Variants in CDH13 observed in about 807,000 individuals in gnomAD.
CDH13 encodes the protein cadherin-13.
A neutral mutation model predicts 63.8 loss-of-function variants in CDH13; 24 were observed. The observed-to-expected ratio is 0.38, with a 90% confidence interval of 0.27 to 0.53. The LOEUF (loss-of-function observed/expected upper bound fraction) is 0.53. Among genes scored for constraint, CDH13 ranks in the 20% least tolerant of loss-of-function variants. CDH13 has a pLI of 0.85. For synonymous variants in CDH13, 503 were observed against 355.3 expected (o/e 1.42, Z -4.67); for missense variants, 1,049 against 903.1 (o/e 1.16, Z -2.07).
intron 5 of CDH13, among the ~76,000 whole-genome samples, chr16:83,323,254 C>CCTTG (rs2090280654): frequency 7.2e-6 from 1 of 138,992 alleles, no homozygotes; most frequent in Non-Finnish European, 1.5e-5. Flanking sequence ...TTCCTTCCTT[C>CCTTG]TTTCCATCTT....
At chr16:82,775,875 T>C (rs1159945100) in intron 1 of CDH13, among the ~76,000 whole-genome samples, 1 of 152,112 alleles carries the variant, frequency 6.6e-6, no homozygotes, top group African/African-American at 2.4e-5. Flanking sequence ...TGATGGCTCT[T>C]TTTTTGTGAA....
At chr16:83,131,234 G>C (rs1326411881) in intron 4 of CDH13, among the ~76,000 whole-genome samples, 1 of 116,028 alleles carries the variant, frequency 8.6e-6, no homozygotes, top group African/African-American at 3.3e-5. Context: ...CAACCCGAGA[G>C]ATCACTGCCA....
intron 6 of CDH13, among the ~76,000 whole-genome samples, chr16:83,472,829 C>T (rs1197860720): frequency 6.6e-6 from 1 of 152,172 alleles, no homozygotes; most frequent in Non-Finnish European, 1.5e-5. Context: ...GTGGCTGGCC[C>T]TGTTTCATTC....
intron 1 of CDH13, among the ~76,000 whole-genome samples, chr16:82,846,411 A>G (rs2039259197): frequency 6.6e-6 from 1 of 152,150 alleles, no homozygotes. Context: ...CATAACACCT[A>G]CTGTGAGCCA....
intron 3 of CDH13, among the ~76,000 whole-genome samples, chr16:83,091,212 T>A (rs1268114964): frequency 2.4e-4 from 36 of 152,036 alleles, no homozygotes. Context: ...CTTTCTTTTC[T>A]CCTTCTCCTC....
chr16:83,387,600 A>T (rs1289982456), intron 6 of CDH13, among the ~76,000 whole-genome samples: 1 of 152,248 alleles, frequency 6.6e-6, no homozygotes, highest in Non-Finnish European at 1.5e-5. Context: ...AATGGGATTC[A>T]TTAAGAGCTA....
intron 8 of CDH13, among the ~76,000 whole-genome samples, chr16:83,652,573 C>T (rs1196171412): frequency 4.6e-5 from 7 of 151,358 alleles, no homozygotes; most frequent in Non-Finnish European, 1.0e-4. Context: ...TCTCATTGTA[C>T]CCCCTCTTTA....
chr16:83,350,798 C>A (rs972607992), intron 6 of CDH13, among the ~76,000 whole-genome samples: 3 of 152,136 alleles, frequency 2.0e-5, no homozygotes, highest in African/African-American at 7.2e-5. Flanking sequence ...GATAGGAGGC[C>A]GCTCTGAAGA....
intron 8 of CDH13, among the ~76,000 whole-genome samples, chr16:83,633,174 G>A (rs150469706): frequency 4.6e-5 from 7 of 151,914 alleles, no homozygotes; most frequent in African/African-American, 1.7e-4. Context: ...ATCTCATCCT[G>A]TGATTAAGAA....
intron 4 of CDH13, among the ~76,000 whole-genome samples, chr16:83,211,961 T>C (rs1481634488): frequency 6.6e-6 from 1 of 152,006 alleles, no homozygotes; most frequent in Non-Finnish European, 1.5e-5. Flanking sequence ...CAAAGAATAA[T>C]AGGAAGTTCT....
intron 4 of CDH13, among the ~76,000 whole-genome samples, chr16:83,208,524 T>C (rs575359657): frequency 3.3e-5 from 5 of 152,316 alleles, no homozygotes; most frequent in East Asian, 3.9e-4. Flanking sequence ...AATTAGCATA[T>C]GCATGTAACT....
intron 2 of CDH13, among the ~76,000 whole-genome samples, chr16:82,931,752 T>G (rs1348460125): frequency 6.6e-6 from 1 of 152,156 alleles, no homozygotes; most frequent in Non-Finnish European, 1.5e-5. Flanking sequence ...GAACCCCTTA[T>G]AGAAACATCA....
intron 1 of CDH13, among the ~76,000 whole-genome samples, chr16:82,642,294 AAC>A (rs1909508881): frequency 6.6e-6 from 1 of 152,168 alleles, no homozygotes; most frequent in Non-Finnish European, 1.5e-5. Flanking sequence ...GTTTTAGGCA[AAC>A]ACAGTTGTCA....
In CDH13 at chr16:83,183,221, G is replaced by C. The variant is rs111246229; in HGVS notation, c.484-34124G>C. Reference sequence around the variant, plus strand: ...CGTTTGAGTGGGAAGTGCTTTATTTGAGATAAACACAAAAGGTTTTAAGTA... The same window carrying C: ...CGTTTGAGTGGGAAGTGCTTTATTTCAGATAAACACAAAAGGTTTTAAGTA... On this transcript the variant is annotated intron_variant, in intron 4 of 13. Coordinates refer to ENST00000567109, the MANE Select transcript of CDH13 (RefSeq NM_001257.5). Among the ~76,000 whole-genome samples the C allele has an allele frequency of 2.4e-3, 361 of 152,278 alleles. 3 individuals carry two copies. Among genetic ancestry groups the C allele is most frequent in the African/African-American group, 8.4e-3 (348 of 41,564 alleles).
intron 12 of CDH13, 137 bp downstream of exon 12, chr16:83,780,338 T>C (rs1915432675): frequency 1.6e-6 from 1 of 616,612 alleles, no homozygotes. Flanking sequence ...TTATAAATAC[T>C]GAGAATTTTC....
At chr16:82,832,367 G>C (rs762565162) in intron 1 of CDH13, among the ~76,000 whole-genome samples, 1 of 152,046 alleles carries the variant, frequency 6.6e-6, no homozygotes, top group Non-Finnish European at 1.5e-5. Context: ...CTTTTTCATA[G>C]TTTTCAGTGT....
At chr16:83,097,726 G>T (rs1395885918) in intron 3 of CDH13, among the ~76,000 whole-genome samples, 1 of 152,178 alleles carries the variant, frequency 6.6e-6, no homozygotes, top group African/African-American at 2.4e-5. Flanking sequence ...TGTAAAATTT[G>T]TTCGTAAAGA....
intron 1 of CDH13, among the ~76,000 whole-genome samples, chr16:82,680,004 C>T (rs537693731): frequency 3.9e-5 from 6 of 152,248 alleles, no homozygotes; most frequent in South Asian, 2.1e-4. Context: ...CCATAACACA[C>T]GGGTCTTCTT....
chr16:83,651,588 C>CTTTTTTTTTT (rs35237670), intron 8 of CDH13, among the ~76,000 whole-genome samples: 4 of 75,306 alleles, frequency 5.3e-5, no homozygotes, highest in Admixed American at 2.0e-4. Flanking sequence ...TTATTTTCCT[C>CTTTTTTTTTT]TTTTTTTTTT....
Sources: allele counts gnomAD v4.1 joint callset (sites outside exome capture counted in the v4.1 genomes callset), GRCh38; gene constraint gnomAD v4.1.1; transcripts MANE v1.5; gene names NCBI Gene and HGNC (gene_info 2026-07-23, HGNC 2026-07-21).